The following ATP11A variants were observed in gnomAD, a reference collection of about 807,000 sequenced individuals.
ATP11A encodes phospholipid-transporting ATPase IH.
Under a neutral mutation model 154.4 loss-of-function variants are expected in ATP11A, and 81 were observed. The observed-to-expected ratio is 0.52, with a 90% confidence interval of 0.44 to 0.63. The LOEUF (loss-of-function observed/expected upper bound fraction) is 0.63, where lower values mean the gene tolerates loss of function less well. ATP11A is among the 30% of genes least tolerant of loss of function. The probability of loss-of-function intolerance (pLI) is 0.00; values close to 1 mark genes in which losing one functional copy is unlikely to be tolerated. For synonymous variants in ATP11A, 623 were observed against 585.9 expected, an observed-to-expected ratio of 1.06 and a Z score of -0.91; for missense variants, 1,316 against 1,474.3, an observed-to-expected ratio of 0.89 and a Z score of 1.76.
chr13:112,747,792 C>T (rs540843207), intron 1 of ATP11A, among the ~76,000 whole-genome samples: 15 of 152,036 alleles, frequency 9.9e-5, no homozygotes, highest in South Asian at 4.1e-4. Flanking sequence ...TCAGAGATCA[C>T]GCCATTGCAC....
At chr13:112,811,536 G>A (rs542389079) in intron 5 of ATP11A, 11 of 152,200 alleles carry the variant, frequency 7.2e-5, no homozygotes, top group East Asian at 3.9e-4. Context: ...ATATAAACTC[G>A]ACTAGGTGGA....
intron 17 of ATP11A, among the ~76,000 whole-genome samples, chr13:112,847,010 C>T (rs1323082267): frequency 6.6e-6 from 1 of 152,182 alleles, no homozygotes; most frequent in Non-Finnish European, 1.5e-5. Flanking sequence ...GAGGGGCCGT[C>T]CACAGCCTCT....
intron 1 of ATP11A, among the ~76,000 whole-genome samples, chr13:112,691,591 G>A (rs1033819767): frequency 6.6e-5 from 10 of 151,870 alleles, no homozygotes; most frequent in African/African-American, 1.7e-4. Context: ...AGAGGCTGGC[G>A]GTCACTGGTC....
At position 112,804,971 on chromosome 13, in the gene ATP11A, CTTTAT is replaced by C; in HGVS notation, c.178_182del (p.Phe60ThrfsTer6). ...CTTTTATGCAGTACACATTTTGGAA[CTTTAT>C]ACCCAAGAATTTATTTGAACAATTC... is the stretch of plus-strand genomic sequence containing the variant. On this transcript the variant is annotated frameshift_variant, in exon 3 of 30. Coordinates refer to ENST00000375645, the MANE Select transcript of ATP11A (RefSeq NM_015205.3). LOFTEE classifies it high-confidence loss of function. 2.5e-6 allele frequency: 4 copies of C among 1,606,346 alleles called. No individual in the cohort carries two copies. The highest frequency in any genetic ancestry group is 3.4e-6 in the Non-Finnish European group (4 of 1,176,032).
At chr13:112,873,488 AC>A (rs527323566) in intron 26 of ATP11A, 84 bp from the exon 27 acceptor site, 81 of 1,031,220 alleles carry the variant, frequency 7.9e-5, no homozygotes, top group African/African-American at 5.3e-4. Context: ...GTTTCTCGTC[AC>A]CCCCCGGCTC....
intron 1 of ATP11A, among the ~76,000 whole-genome samples, chr13:112,704,684 A>G (rs143092024): frequency 3.3e-5 from 5 of 152,350 alleles, no homozygotes; most frequent in Non-Finnish European, 5.9e-5. Context: ...GGACAGGAGC[A>G]GCTCACCCAT....
chr13:112,837,726 G>A (rs920731327), intron 16 of ATP11A, among the ~76,000 whole-genome samples: 1 of 152,150 alleles, frequency 6.6e-6, no homozygotes, highest in African/African-American at 2.4e-5. Flanking sequence ...CCTAAGATGT[G>A]CCGAGTTTAA....
chr13:112,741,370 A>G (rs1243352803), intron 1 of ATP11A, among the ~76,000 whole-genome samples: 1 of 140,208 alleles, frequency 7.1e-6, no homozygotes, highest in Non-Finnish European at 1.6e-5. Context: ...TGTGGGGCAG[A>G]AGCTGTAGTC....
At chr13:112,735,048 AAAG>A (rs1890858120) in intron 1 of ATP11A, among the ~76,000 whole-genome samples, 1 of 152,210 alleles carries the variant, frequency 6.6e-6, no homozygotes, top group South Asian at 2.1e-4. Context: ...AAAAAAGAAA[AAAG>A]CTGAGAAAAA....
chr13:112,763,484 T>C lies in ATP11A; in HGVS notation c.40-21651T>C, dbSNP rs1161315872. 2.6e-5 allele frequency among the ~76,000 whole-genome samples: 4 copies of C among 152,230 alleles called. No individual in the cohort carries two copies. In the East Asian group the frequency reaches 7.7e-4, roughly 29 times the overall value. ...TTATCTTACCTCAAAATACATTTCA[T>C]TGACATATTTTGAAATGGCCCCTCA... On this transcript the variant is annotated intron_variant, in intron 1 of 29. Transcript: ENST00000375645.
chr13:112,836,047 G>A, intron 15 of ATP11A, 131 bp from the exon 16 acceptor site: 1 of 581,350 alleles, frequency 1.7e-6, no homozygotes, highest in South Asian at 2.7e-5. Context: ...TCACCCAGCA[G>A]CCCTCTGTGT....
chr13:112,738,415 C>T lies in ATP11A; in HGVS notation c.40-46720C>T, dbSNP rs141694528. Among the ~76,000 whole-genome samples, 599 of 152,226 alleles carry T rather than the reference C, an allele frequency of 3.9e-3. 3 individuals carry two copies. The highest frequency in any genetic ancestry group is 0.014 in the African/African-American group (569 of 41,536). ...AAATAGCTCCAACTTAAAGTGTTAG[C>T]GACTCAGAAAAGTATTTACCCCTCT... On this transcript the variant is annotated intron_variant, in intron 1 of 29. Transcript: ENST00000375645.
chr13:112,844,573 A>T (rs1347566578), intron 17 of ATP11A, among the ~76,000 whole-genome samples: 1 of 152,198 alleles, frequency 6.6e-6, no homozygotes, highest in Non-Finnish European at 1.5e-5. Context: ...GCTTCCTATC[A>T]GCAGAATCAC....
At chr13:112,865,943 A>AT (rs2080317834) in intron 25 of ATP11A, among the ~76,000 whole-genome samples, 1 of 152,322 alleles carries the variant, frequency 6.6e-6, no homozygotes, top group African/African-American at 2.4e-5. Context: ...TAGACATTGC[A>AT]TTTTTGATGT....
intron 1 of ATP11A, among the ~76,000 whole-genome samples, chr13:112,721,614 T>C (rs1479327036): frequency 6.6e-6 from 1 of 152,006 alleles, no homozygotes; most frequent in Admixed American, 6.5e-5. Context: ...AGTGAGGAAG[T>C]GGGAGGGTCC....
rs368009038 is a variant in ATP11A at position 112,870,005 on chromosome 13, G to A, written c.2992-1730G>A. ...CCCATCCAAAGCTAGCAGACCCCAC[G>A]CCCCAGAAATGTCTCCACCACGGCC... On this transcript the variant is annotated intron_variant, in intron 25 of 29. Coordinates refer to ENST00000375645, the MANE Select transcript of ATP11A (RefSeq NM_015205.3). Among the ~76,000 whole-genome samples the A allele has an allele frequency of 3.3e-5, 5 of 151,968 alleles. No individual in the cohort carries two copies. In the South Asian group the frequency reaches 8.3e-4, roughly 25 times the overall value.
At position 112,882,753 on chromosome 13, in the gene ATP11A, G is replaced by A. The variant is rs77960648; in HGVS notation, c.*887G>A. The A allele has an allele frequency of 7.6e-3, 3,049 of 399,994 alleles. 73 individuals are homozygous for A. The highest frequency in any genetic ancestry group is 0.047 in the East Asian group (1,322 of 28,066). 24.8% of individuals were successfully genotyped at this position (399,994 alleles called of 1,614,324 possible). On this transcript the variant is annotated 3_prime_UTR_variant, in exon 30 of 30. Coordinates refer to ENST00000375645, the MANE Select transcript of ATP11A (RefSeq NM_015205.3). The surrounding 1 kb of genome is among the most constrained non-coding windows in gnomAD (Gnocchi z 5.1). Reference sequence around the variant, plus strand: ...CAGCCACTCGCCAGGGCACGGAGCCGTCAGTCCACTGTTACGGGAGAATGT... The same window carrying A: ...CAGCCACTCGCCAGGGCACGGAGCCATCAGTCCACTGTTACGGGAGAATGT...
chr13:112,855,193 GT>G (rs201005181), intron 19 of ATP11A, among the ~76,000 whole-genome samples: 1 of 151,934 alleles, frequency 6.6e-6, no homozygotes, highest in African/African-American at 2.4e-5. Context: ...GGATTGGAGG[GT>G]TTTTTTTGTT....
chr13:112,823,299 A>G, intron 8 of ATP11A, 46 bp from the exon 9 acceptor site: 2 of 1,524,712 alleles, frequency 1.3e-6, no homozygotes, highest in East Asian at 2.2e-5. Context: ...CGCCCTGCCC[A>G]CTTGCCTTCG....
Sources: allele counts gnomAD v4.1 joint callset (sites outside exome capture counted in the v4.1 genomes callset), GRCh38; gene constraint gnomAD v4.1.1; non-coding constraint Gnocchi (gnomAD v3.1); transcripts MANE v1.5; gene names NCBI Gene and HGNC (gene_info 2026-07-23, HGNC 2026-07-21).